The following KALRN variants were observed in gnomAD, a reference collection of about 807,000 sequenced individuals.
KALRN encodes kalirin.
Under a neutral mutation model 353.7 loss-of-function variants are expected in KALRN, and 70 were observed. That is an observed-to-expected ratio of 0.20 (90% CI 0.16 to 0.24). The LOEUF (loss-of-function observed/expected upper bound fraction) is 0.24, where lower values mean the gene tolerates loss of function less well. Ranked by LOEUF, KALRN falls within the 10% of genes least tolerant of loss-of-function variation. KALRN has a pLI of 1.00. For missense variants in KALRN, 2,791 were observed against 3,756.7 expected (o/e 0.74, Z 6.72); for synonymous variants, 1,391 against 1,434.8 (o/e 0.97, Z 0.69).
intron 10 of KALRN, among the ~76,000 whole-genome samples, chr3:124,349,814 T>C (rs1300623218): frequency 6.6e-6 from 1 of 152,192 alleles, no homozygotes; most frequent in African/African-American, 2.4e-5. Flanking sequence ...ATGCACCTTA[T>C]GATGGACAAG....
intron 1 of KALRN, among the ~76,000 whole-genome samples, chr3:124,198,313 C>T (rs529382204): frequency 6.6e-6 from 1 of 152,308 alleles, no homozygotes; most frequent in Non-Finnish European, 1.5e-5. Context: ...AGTCAAGTTT[C>T]TTAACTTCTT....
At chr3:124,670,912 C>T (rs73195554) in intron 47 of KALRN, among the ~76,000 whole-genome samples, 4,247 of 152,288 alleles carry the variant, frequency 0.028, 81 homozygotes, top group East Asian at 0.079. Context: ...GAGCCATCCT[C>T]GATTCTTGCA....
chr3:124,255,340 C>T (rs1580115595), intron 3 of KALRN, among the ~76,000 whole-genome samples: 2 of 152,300 alleles, frequency 1.3e-5, no homozygotes, highest in Middle Eastern at 3.4e-3. Flanking sequence ...TAAGACTTAT[C>T]ATAACTTGCA....
intron 16 of KALRN, among the ~76,000 whole-genome samples, chr3:124,433,157 G>A (rs1009617189): frequency 1.3e-5 from 2 of 152,130 alleles, no homozygotes; most frequent in South Asian, 2.1e-4. Context: ...TACAATGATT[G>A]TTGGTGGGGA....
At chr3:124,641,065 A>G (rs1383124357) in intron 37 of KALRN, among the ~76,000 whole-genome samples, 1 of 152,120 alleles carries the variant, frequency 6.6e-6, no homozygotes, top group Non-Finnish European at 1.5e-5. Flanking sequence ...CCATGTTCCT[A>G]TCTCCCAGAG....
chr3:124,466,032 C>T (rs889338899), intron 25 of KALRN, among the ~76,000 whole-genome samples: 5 of 99,844 alleles, frequency 5.0e-5, no homozygotes, highest in Admixed American at 3.6e-4. Context: ...CTCTCTCTTG[C>T]TCTGTGTGTG....
intron 28 of KALRN, among the ~76,000 whole-genome samples, chr3:124,483,510 T>C (rs1179463004): frequency 6.6e-6 from 1 of 152,078 alleles, no homozygotes; most frequent in East Asian, 1.9e-4. Context: ...CGAGATCGTG[T>C]CACTGAACTG....
chr3:124,466,034 C>CTGTG (rs10639598), intron 25 of KALRN, among the ~76,000 whole-genome samples: 3,581 of 147,382 alleles, frequency 0.024, 62 homozygotes, highest in African/African-American at 0.048. Flanking sequence ...CTCTCTTGCT[C>CTGTG]TGTGTGTGTG....
intron 1 of KALRN, among the ~76,000 whole-genome samples, chr3:124,223,887 AAGG>A (rs1284554153): frequency 2.0e-5 from 3 of 152,216 alleles, no homozygotes; most frequent in African/African-American, 7.2e-5. Context: ...CGTTTGGAGC[AAGG>A]AGAAGCAAAA....
At chr3:124,311,717 T>A (rs2078287440) in intron 6 of KALRN, among the ~76,000 whole-genome samples, 1 of 152,280 alleles carries the variant, frequency 6.6e-6, no homozygotes, top group Non-Finnish European at 1.5e-5. Flanking sequence ...CAACATTATG[T>A]ATAATAATCA....
At chr3:124,470,862 G>T (rs1423213649) in intron 25 of KALRN, among the ~76,000 whole-genome samples, 6 of 152,152 alleles carry the variant, frequency 3.9e-5, no homozygotes, top group Admixed American at 3.9e-4. Flanking sequence ...TTACTTCAGA[G>T]GTTTATAGTG....
intron 1 of KALRN, among the ~76,000 whole-genome samples, chr3:124,047,692 A>C: frequency 6.7e-6 from 1 of 148,640 alleles, no homozygotes; most frequent in African/African-American, 2.5e-5. Flanking sequence ...TTTAGTAGAG[A>C]CAGGGTTTCA....
intron 1 of KALRN, among the ~76,000 whole-genome samples, chr3:124,176,212 G>A (rs978869833): frequency 1.3e-4 from 20 of 152,080 alleles, no homozygotes; most frequent in African/African-American, 4.6e-4. Flanking sequence ...TCCTAGAACA[G>A]TGACTTGGCC....
intron 10 of KALRN, among the ~76,000 whole-genome samples, chr3:124,373,790 A>C (rs1190222945): frequency 1.3e-5 from 2 of 152,198 alleles, no homozygotes; most frequent in African/African-American, 4.8e-5. Context: ...TTATATCTGC[A>C]ACAACGTTAT....
At chr3:124,268,626 C>T (rs1198912817) in intron 4 of KALRN, 117 bp from the exon 5 acceptor site, 18 of 1,104,458 alleles carry the variant, frequency 1.6e-5, no homozygotes, top group South Asian at 7.2e-5. Flanking sequence ...TCACCATTTC[C>T]GAGGCAGGCT....
chr3:124,330,602 G>GA (rs1431107101), intron 8 of KALRN, among the ~76,000 whole-genome samples: 1 of 152,190 alleles, frequency 6.6e-6, no homozygotes, highest in South Asian at 2.1e-4. Flanking sequence ...TTAAGAAAGG[G>GA]AAAAAACCTC....
chr3:124,260,395 C>T (rs998698965), intron 3 of KALRN, among the ~76,000 whole-genome samples: 1 of 152,196 alleles, frequency 6.6e-6, no homozygotes, highest in Non-Finnish European at 1.5e-5. Flanking sequence ...CCTAGCTCAG[C>T]CCTACATGGC....
chr3:124,677,891 G>T (rs1203922016), intron 49 of KALRN, among the ~76,000 whole-genome samples: 5 of 152,146 alleles, frequency 3.3e-5, no homozygotes, highest in Non-Finnish European at 7.3e-5. Flanking sequence ...AGGCATCATG[G>T]GTATGGTATA....
rs550113026 is a variant in KALRN at position 124,626,657 on chromosome 3, A to G, written c.5183-5763A>G. Among the ~76,000 whole-genome samples the G allele has an allele frequency of 3.3e-5, 5 of 152,354 alleles. No individual in the cohort carries two copies. In the South Asian group the frequency reaches 1.0e-3, roughly 32 times the overall value. ...AAAGCTTCTTTGCTAAAGAGGAAGC[A>G]TTGGTTCAGAGCCCTAGAATAGGCC... is the stretch of plus-strand genomic sequence containing the variant. On this transcript the variant is annotated intron_variant, in intron 34 of 59. Transcript: ENST00000682506.
Sources: gnomAD v4.1 joint callset for allele counts (sites outside exome capture counted in the v4.1 genomes callset) on GRCh38, gnomAD v4.1.1 for gene constraint, MANE v1.5 for transcripts, NCBI Gene and HGNC (gene_info 2026-07-23, HGNC 2026-07-21) for gene names.